Variants in FAHD1 observed in about 807,000 individuals in gnomAD.
FAHD1 encodes FAH domain containing oxaloacetate decarboxylase 1.
FAHD1 carries 14 observed loss-of-function variants against 12.7 expected under a neutral mutation model. The observed-to-expected ratio is 1.10, with a 90% CI of 0.73 to 1.72. FAHD1 has a LOEUF of 1.72. Among genes scored for constraint, FAHD1 ranks in the 40% most tolerant of loss-of-function variants. The probability of loss-of-function intolerance (pLI) is 0.00; values close to 1 mark genes in which losing one functional copy is unlikely to be tolerated. For synonymous variants in FAHD1, 153 were observed against 124.9 expected (o/e 1.22, Z -1.50); for missense variants, 351 against 298.9 (o/e 1.17, Z -1.29).
exon 3 of FAHD1, chr16:1,839,820 C>A (rs3848346): frequency 0.13 from 21,038 of 158,074 alleles, 1,849 homozygotes; most frequent in South Asian, 0.2. Context: ...TGCATCAGCT[C>A]CTTATTCTCA....
intron 2 of FAHD1, among the ~76,000 whole-genome samples, chr16:1,838,898 G>T (rs1006613380): frequency 3.3e-5 from 5 of 152,054 alleles, no homozygotes; most frequent in Admixed American, 3.3e-4. Context: ...CGCCATATTG[G>T]CCAGGCTGGT....
exon 1 of FAHD1, chr16:1,827,398 T>C: frequency 6.2e-7 from 1 of 1,611,280 alleles, no homozygotes. Flanking sequence ...GCCCGAGGGC[T>C]CGCCCATCCT....
intron 2 of FAHD1, chr16:1,838,214 G>C (rs542264304): frequency 3.5e-4 from 152 of 431,312 alleles, no homozygotes; most frequent in Non-Finnish European, 3.5e-4. Flanking sequence ...TGCCCAGGGT[G>C]ATCTTGAACT....
At chr16:1,833,193 G>A (rs1898653749), downstream of FAHD1, among the ~76,000 whole-genome samples, 1 of 152,164 alleles carries the variant, frequency 6.6e-6, no homozygotes, top group Admixed American at 6.6e-5. Flanking sequence ...TTTACTTTGT[G>A]GCTGCTGCAA....
chr16:1,834,442 G>C (rs897965607), intron 1 of FAHD1: 1 of 774,372 alleles, frequency 1.3e-6, no homozygotes, highest in Middle Eastern at 2.3e-4. Context: ...AAAAATCAAT[G>C]ATCACGAATA....
At chr16:1,839,016 A>G (rs1313620792) in intron 2 of FAHD1, among the ~76,000 whole-genome samples, 1 of 152,188 alleles carries the variant, frequency 6.6e-6, no homozygotes, top group Non-Finnish European at 1.5e-5. Context: ...TTATTTATCC[A>G]TTTAGGCTAA....
chr16:1,832,882 C>G (rs530732996), downstream of FAHD1, among the ~76,000 whole-genome samples: 5 of 152,306 alleles, frequency 3.3e-5, no homozygotes, highest in African/African-American at 1.2e-4. Flanking sequence ...CGTTCATTAC[C>G]TTATCACCAC....
intron 2 of FAHD1, chr16:1,839,165 T>C (rs1367111567): frequency 1.4e-6 from 2 of 1,405,384 alleles, no homozygotes; most frequent in East Asian, 5.0e-5. Flanking sequence ...TCAATTTCTA[T>C]CAAATGTTTG....
At chr16:1,839,175 G>A (rs2142076569) in intron 2 of FAHD1, 1 of 1,428,778 alleles carries the variant, frequency 7.0e-7, no homozygotes, top group Non-Finnish European at 9.2e-7. Context: ...TCAAATGTTT[G>A]ACAAAACAAC....
chr16:1,833,642 A>T (rs1484806444), downstream of FAHD1, among the ~76,000 whole-genome samples: 9 of 146,488 alleles, frequency 6.1e-5, no homozygotes, highest in East Asian at 1.8e-3. Flanking sequence ...GCTCACTACA[A>T]CCTCCTCATC....
At chr16:1,837,998 G>GT in intron 1 of FAHD1, 2 of 1,436,072 alleles carry the variant, frequency 1.4e-6, no homozygotes, top group Non-Finnish European at 1.8e-6. Flanking sequence ...CAGCTCAATC[G>GT]TTTGTTTTTG....
chr16:1,839,257 T>C (rs1449796445), intron 2 of FAHD1: 4 of 1,592,484 alleles, frequency 2.5e-6, no homozygotes, highest in Admixed American at 3.6e-5. Flanking sequence ...CTATTTACCG[T>C]GCAGCCCAAA....
intron 1 of FAHD1, chr16:1,834,331 T>G: frequency 6.2e-7 from 1 of 1,612,516 alleles, no homozygotes; most frequent in South Asian, 1.1e-5. Context: ...GTACACTAAT[T>G]TTCAATCCAC....
chr16:1,838,813 T>C (rs533697819), intron 2 of FAHD1, among the ~76,000 whole-genome samples: 65 of 152,276 alleles, frequency 4.3e-4, no homozygotes, highest in Non-Finnish European at 7.6e-4. Flanking sequence ...TGCCCCAGCC[T>C]CCTGAGTAGC....
chr16:1,837,853 T>C (rs1161047143), intron 1 of FAHD1: 3 of 1,532,104 alleles, frequency 2.0e-6, no homozygotes, highest in Non-Finnish European at 1.8e-6. Context: ...CATCTGTCAT[T>C]GCAAGAAACT....
At chr16:1,839,694 G>A (rs972100149) in exon 3 of FAHD1, 10 of 403,466 alleles carry the variant, frequency 2.5e-5, no homozygotes, top group East Asian at 1.9e-4. Context: ...CCAAGCCCTC[G>A]AGGTCCATCC....
downstream of FAHD1, among the ~76,000 whole-genome samples, chr16:1,830,945 C>CACACACA (rs1555470125): frequency 5.1e-5 from 1 of 19,436 alleles, no homozygotes; most frequent in African/African-American, 8.6e-5. Context: ...CACACACACA[C>CACACACA]CCATATTTTG....
intron 2 of FAHD1, chr16:1,839,196 T>C: frequency 6.8e-7 from 1 of 1,472,380 alleles, no homozygotes; most frequent in African/African-American, 1.4e-5. Flanking sequence ...CTATATTTTT[T>C]TGGGAAAAAG....
At chr16:1,834,056 TAGG>T in intron 1 of FAHD1, 1 of 474,452 alleles carries the variant, frequency 2.1e-6, no homozygotes, top group Non-Finnish European at 3.7e-6. Flanking sequence ...GCAAAGACAG[TAGG>T]AGGCCTTCTA....
Sources: gnomAD v4.1 joint callset for allele counts (sites outside exome capture counted in the v4.1 genomes callset) on GRCh38, gnomAD v4.1.1 for gene constraint, MANE v1.5 for transcripts, NCBI Gene and HGNC (gene_info 2026-07-23, HGNC 2026-07-21) for gene names.